COL4A5: variants seen among roughly 807,000 people sequenced by gnomAD.
COL4A5 encodes collagen type IV alpha 5 chain.
In COL4A5, 26 loss-of-function variants were observed where a neutral mutation model predicts 130.2. The observed-to-expected ratio is 0.20, with a 90% CI of 0.15 to 0.28. The LOEUF (loss-of-function observed/expected upper bound fraction) is 0.28. Among genes scored for constraint, COL4A5 ranks in the 10% least tolerant of loss-of-function variants. COL4A5 has a pLI of 1.00. For synonymous variants in COL4A5, 496 were observed against 439.6 expected, an observed-to-expected ratio of 1.13 and a Z score of -1.60; for missense variants, 1,131 against 1,344.3, an observed-to-expected ratio of 0.84 and a Z score of 2.48.
intron 1 of COL4A5, among the ~76,000 whole-genome samples, chrX:108,490,447 C>T (rs1399975712): frequency 9.0e-6 from 1 of 111,478 alleles, no homozygotes; most frequent in African/African-American, 3.3e-5. Flanking sequence ...TTATAACCAC[C>T]CCCTGACCCC....
intron 1 of COL4A5, among the ~76,000 whole-genome samples, chrX:108,493,293 A>G (rs1329039085): frequency 3.6e-5 from 4 of 111,686 alleles, no homozygotes; most frequent in Non-Finnish European, 7.6e-5. Context: ...AAAGACTCTC[A>G]ATTTTATTAA....
intron 1 of COL4A5, among the ~76,000 whole-genome samples, chrX:108,487,694 A>G (rs2064959733): frequency 8.9e-6 from 1 of 112,382 alleles, no homozygotes; most frequent in Non-Finnish European, 1.9e-5. Flanking sequence ...TCCACCGCCC[A>G]TGTGTCCAAA....
chrX:108,606,760 T>TTACCTGGGC lies in COL4A5; in HGVS notation c.2264_2272dup (p.Leu755_Gly757dup). On this transcript the variant is annotated inframe_insertion, in exon 29 of 53. Coordinates refer to ENST00000328300, the MANE Select transcript of COL4A5 (RefSeq NM_033380.3). Reference sequence around the variant, plus strand: ...GCTCAAGGGTGAACCAGGATTTGCATTACCTGGGCCACCTGGGCCACCAGG... The same window carrying TTACCTGGGC: ...GCTCAAGGGTGAACCAGGATTTGCATTACCTGGGCTACCTGGGCCACCTGGGCCACCAGG... 8.3e-7 allele frequency: 1 copy of TTACCTGGGC among 1,211,485 alleles called. No individual in the cohort carries two copies.
rs775892501 is a variant in COL4A5 at position 108,533,046 on chromosome X, GT to G, written c.82-6699del. ...AGAATTAGAAAACAAATCCTAAAAT[GT>G]ATATGAAACCAAAAAAGAGCCTGAA... is the stretch of plus-strand genomic sequence containing the variant. On this transcript the variant is annotated intron_variant, in intron 1 of 52. Transcript: ENST00000328300. Among the ~76,000 whole-genome samples, 120 of 111,522 alleles carry G rather than the reference GT, an allele frequency of 1.1e-3. 1 individual carries two copies. The highest frequency in any genetic ancestry group is 3.0e-4 in the Non-Finnish European group (16 of 52,826).
At chrX:108,679,981 G>A (rs1688047433) in intron 44 of COL4A5, among the ~76,000 whole-genome samples, 1 of 111,980 alleles carries the variant, frequency 8.9e-6, no homozygotes, top group African/African-American at 3.2e-5. Flanking sequence ...ACAGCTTTCT[G>A]TACAAGCGAA....
Position 108,620,356 on chromosome X carries a change from A to G in COL4A5, c.2607A>G (p.Gly869=), listed in dbSNP as rs199499525. 4 of 1,206,559 alleles carry G rather than the reference A, an allele frequency of 3.3e-6. No individual in the cohort carries two copies. Among genetic ancestry groups the G allele is most frequent in the African/African-American group, 1.8e-5 (1 of 57,076 alleles). The change falls in exon 31 of 53, where the codon GGA becomes GGG. Residue 869 remains glycine, a synonymous_variant. Transcript: ENST00000328300. ...AAAGAGGCAGTCCAGGGATCCCCGGAGCACCTGGTCCTATAGGACCTCCAG... is the reference window on the plus strand; with the variant it reads ...AAAGAGGCAGTCCAGGGATCCCCGGGGCACCTGGTCCTATAGGACCTCCAG... ...PGERGSPGIP[G]APGPIGPPGS...
chrX:108,668,637 ATTTGTGATATAACT>A (rs1229761244), intron 41 of COL4A5, 133 bp downstream of exon 41: 1 of 441,381 alleles, frequency 2.3e-6, no homozygotes, highest in East Asian at 4.1e-5. Context: ...AGACTTTAAA[ATTTGTGATATAACT>A]TCTTACAAGT....
rs1358937514 is a variant in COL4A5 at position 108,441,755 on chromosome X, G to A, written c.81+1549G>A. Among the ~76,000 whole-genome samples the A allele has an allele frequency of 5.4e-5, 6 of 111,481 alleles. No homozygotes were observed. In the East Asian group the frequency reaches 1.7e-3, roughly 31 times the overall value. On this transcript the variant is annotated intron_variant, in intron 1 of 52. Transcript: ENST00000328300. ...TGGTGCCCTCTGTTTCTGGCATTTG[G>A]CCCAGGGACAAAGATTTTGTAGATG...
chrX:108,471,001 T>C (rs974710659), intron 1 of COL4A5, among the ~76,000 whole-genome samples: 2 of 111,813 alleles, frequency 1.8e-5, no homozygotes, highest in Non-Finnish European at 3.8e-5. Context: ...TCCATTAATC[T>C]ATGTGTCTGT....
intron 36 of COL4A5, among the ~76,000 whole-genome samples, chrX:108,636,939 CTT>C (rs59497827): frequency 1.3e-3 from 101 of 76,383 alleles, no homozygotes; most frequent in African/African-American, 3.7e-3. Context: ...AATGTAATGT[CTT>C]TTTTTTTTTT....
intron 25 of COL4A5, 118 bp from the exon 26 acceptor site, chrX:108,601,275 T>G: frequency 3.9e-6 from 2 of 507,367 alleles, no homozygotes; most frequent in East Asian, 7.3e-5. Flanking sequence ...CTTGTGAATT[T>G]TTGTTAGTTT....
intron 35 of COL4A5, 61 bp downstream of exon 35, chrX:108,625,855 T>G: frequency 1.2e-6 from 1 of 863,905 alleles, no homozygotes; most frequent in Non-Finnish European, 1.7e-6. Flanking sequence ...TCAATATCTC[T>G]TTTTTTGTCA....
intron 1 of COL4A5, among the ~76,000 whole-genome samples, chrX:108,521,567 C>T (rs1281296974): frequency 1.8e-5 from 2 of 111,336 alleles, no homozygotes; most frequent in Admixed American, 9.6e-5. Flanking sequence ...GAAGGCATCA[C>T]CTTGTCTGCT....
At position 108,606,825 on chromosome X, in the gene COL4A5, T is replaced by C; in HGVS notation, c.2328T>C (p.Asp776=). The change falls in exon 29 of 53, where the codon GAT becomes GAC. Residue 776 remains aspartate, a synonymous_variant. Coordinates refer to ENST00000328300, the MANE Select transcript of COL4A5 (RefSeq NM_033380.3). ...GFKGALGPKG[D]RGFPGPPGPP... ...AAGGAGCACTTGGTCCAAAAGGTGA[T>C]CGTGGTTTCCCAGGACCTCCGGGTC... 2.5e-6 allele frequency: 3 copies of C among 1,211,510 alleles called. No individual in the cohort carries two copies. In the African/African-American group the frequency reaches 5.2e-5, roughly 21 times the overall value.
intron 36 of COL4A5, among the ~76,000 whole-genome samples, chrX:108,642,874 C>T (rs1319424747): frequency 1.0e-5 from 1 of 99,951 alleles, no homozygotes; most frequent in African/African-American, 3.7e-5. Context: ...AAAAAAGTCA[C>T]ACTAGTTCAC....
chrX:108,545,414 A>C (rs1209259612), intron 2 of COL4A5, among the ~76,000 whole-genome samples: 1 of 111,017 alleles, frequency 9.0e-6, no homozygotes, highest in South Asian at 3.9e-4. Flanking sequence ...GTAGTTGAGC[A>C]GTTTTCAGTG....
intron 2 of COL4A5, among the ~76,000 whole-genome samples, chrX:108,544,593 G>A (rs1427525249): frequency 2.7e-5 from 3 of 111,496 alleles, no homozygotes; most frequent in South Asian, 3.8e-4. Context: ...TCTCTGCCAG[G>A]CTTTGGTATC....
chrX:108,518,328 C>G (rs2065238625), intron 1 of COL4A5, among the ~76,000 whole-genome samples: 1 of 111,233 alleles, frequency 9.0e-6, no homozygotes, highest in African/African-American at 3.3e-5. Context: ...GCATAGCTTC[C>G]CCATCCAAAA....
At chrX:108,677,432 A>G in intron 43 of COL4A5, 68 bp from the exon 44 acceptor site, 2 of 1,083,731 alleles carry the variant, frequency 1.8e-6, no homozygotes, top group Non-Finnish European at 2.5e-6. Flanking sequence ...CTGATATTTT[A>G]AAAGCCTGAC....
Sources: gnomAD v4.1 joint callset for allele counts (sites outside exome capture counted in the v4.1 genomes callset) on GRCh38, gnomAD v4.1.1 for gene constraint, MANE v1.5 for transcripts, NCBI Gene and HGNC (gene_info 2026-07-23, HGNC 2026-07-21) for gene names.